HEATR4: variants seen among roughly 807,000 people sequenced by gnomAD.
HEATR4 encodes the protein HEAT repeat-containing protein 4.
HEATR4 carries 95 observed loss-of-function variants against 108.8 expected under a neutral mutation model. The ratio of observed to expected loss-of-function variants is 0.87; its 90% CI spans 0.74 to 1.04. HEATR4 has a LOEUF of 1.04. Among genes scored for constraint, HEATR4 ranks in the 50% least tolerant of loss-of-function variants. HEATR4 has a pLI of 0.00. For missense variants in HEATR4, 1,152 were observed against 1,253.8 expected (o/e 0.92, Z 1.23); for synonymous variants, 443 against 459.4 (o/e 0.96, Z 0.46).
intron 1 of HEATR4, chr14:73,530,730 T>C (rs1294796904): frequency 8.4e-6 from 1 of 119,632 alleles, no homozygotes; most frequent in Non-Finnish European, 1.8e-5. Flanking sequence ...CTTGACCTCC[T>C]GGGCTCAAGC....
At position 73,523,196 on chromosome 14, in the gene HEATR4, A is replaced by G; in HGVS notation, c.-44T>C. On this transcript the variant is annotated 5_prime_UTR_variant, in exon 3 of 18. Coordinates refer to ENST00000553558, the MANE Select transcript of HEATR4 (RefSeq NM_001220484.1). ...CTTCCTTCCACACTGCCTGGCCTAG[A>G]GGAAAGGCCTGGAGATGAGACCTGG... 1.3e-6 allele frequency: 2 copies of G among 1,513,556 alleles called. No homozygotes were observed. The highest frequency in any genetic ancestry group is 1.8e-6 in the Non-Finnish European group (2 of 1,135,038). The allele number at this position is 1,513,556 out of a possible 1,614,324, so 93.8% of individuals were successfully genotyped here. A position where few individuals can be genotyped will look rare whatever the true frequency, so the allele number is the denominator to read the frequency against.
Position 73,522,300 on chromosome 14 carries a change from G to C in HEATR4, c.853C>G (p.Pro285Ala). 1 of 1,614,166 alleles carries C rather than the reference G, an allele frequency of 6.2e-7. No homozygotes were observed. Among genetic ancestry groups the C allele is most frequent in the Non-Finnish European group, 8.5e-7 (1 of 1,180,024 alleles). The change falls in exon 3 of 18, where the codon CCA becomes GCA. Residue 285 changes from proline (P) to alanine (A), a missense_variant. By Grantham distance (27) the Pro-to-Ala change is conservative. Transcript: ENST00000553558. The part of the protein sequence containing the change: ...VILPPQEKKK[P>A]ELLLPVYYRL... ...TAGTAAACGGGAAGCAGCAGTTCTGGCTTCTTCTTTTCCTGTGGGGGCAGG... is the reference window on the plus strand; with the variant it reads ...TAGTAAACGGGAAGCAGCAGTTCTGCCTTCTTCTTTTCCTGTGGGGGCAGG...
intron 4 of HEATR4, among the ~76,000 whole-genome samples, chr14:73,519,529 T>A (rs1887842274): frequency 6.6e-6 from 1 of 151,152 alleles, no homozygotes; most frequent in Non-Finnish European, 1.5e-5. Flanking sequence ...GTGGATCACA[T>A]CATCAGGAGT....
chr14:73,568,580 A>G, the HEATR4 span, among the ~76,000 whole-genome samples: 2 of 151,902 alleles, frequency 1.3e-5, no homozygotes, highest in Non-Finnish European at 2.9e-5. Flanking sequence ...AAAAAAAGTA[A>G]CCCTTGCCTG....
At chr14:73,631,283 A>T in the HEATR4 span, among the ~76,000 whole-genome samples, 1 of 150,880 alleles carries the variant, frequency 6.6e-6, no homozygotes, top group East Asian at 1.9e-4. Context: ...GTAGAAAACA[A>T]TTTTTTTTTT....
the HEATR4 span, among the ~76,000 whole-genome samples, chr14:73,602,543 A>G: frequency 3.3e-5 from 5 of 152,288 alleles, no homozygotes; most frequent in South Asian, 6.2e-4. Context: ...TGTAAAGCTC[A>G]GGGCCCTTGT....
chr14:73,605,556 CTTTTTTTTTTTTTTTTTTTTTTT>C, the HEATR4 span, among the ~76,000 whole-genome samples: 1,412 of 57,016 alleles, frequency 0.025, 41 homozygotes, highest in African/African-American at 0.067. Flanking sequence ...CTGTAAGATT[CTTTTTTTTTTTTTTTTTTTTTTT>C]TTTTTTTTTG....
chr14:73,487,896 G>A (rs1360374771), intron 17 of HEATR4, among the ~76,000 whole-genome samples: 3 of 152,156 alleles, frequency 2.0e-5, no homozygotes, highest in Non-Finnish European at 4.4e-5. Context: ...AACATATAAA[G>A]GATGATATAG....
chr14:73,499,103 G>C lies in HEATR4; in HGVS notation c.2324C>G (p.Pro775Arg). The change falls in exon 13 of 18, where the codon CCT becomes CGT. Residue 775 changes from proline to arginine, a missense_variant. Physicochemically the swap from Pro to Arg is moderately radical, Grantham distance 103 (BLOSUM62 -2). Coordinates refer to ENST00000553558, the MANE Select transcript of HEATR4 (RefSeq NM_001220484.1). ...ECLLNLMQRD[P>R]YWKIKAFAIR... is the part of the protein sequence containing the mutation. ...GGCAAAGGCCTTGATTTTCCAGTAAGGATCTCTCTGCATCAGGTTCAGGAG... is the reference window on the plus strand; with the variant it reads ...GGCAAAGGCCTTGATTTTCCAGTAACGATCTCTCTGCATCAGGTTCAGGAG... 6.2e-7 allele frequency: 1 copy of C among 1,614,180 alleles called. No homozygotes were observed. Among genetic ancestry groups the C allele is most frequent in the Non-Finnish European group, 8.5e-7 (1 of 1,180,020 alleles).
At chr14:73,558,415 G>A (rs1889439681) in intron 1 of HEATR4, among the ~76,000 whole-genome samples, 1 of 134,274 alleles carries the variant, frequency 7.4e-6, no homozygotes, top group South Asian at 2.7e-4. Flanking sequence ...GGAGTACAGT[G>A]GCGTGATCAT....
the HEATR4 span, among the ~76,000 whole-genome samples, chr14:73,599,403 G>T: frequency 6.6e-6 from 1 of 152,218 alleles, no homozygotes; most frequent in Non-Finnish European, 1.5e-5. Flanking sequence ...TTTTTCTCAA[G>T]AGTCTGCAAA....
At chr14:73,499,253 G>T in intron 12 of HEATR4, 113 bp from the exon 13 acceptor site, 2 of 871,976 alleles carry the variant, frequency 2.3e-6, no homozygotes, top group Non-Finnish European at 3.9e-6. Flanking sequence ...TGCCAAGGTG[G>T]GCGGATCACT....
rs1254377711 is a variant in HEATR4, at chr14:73,552,046, C to T, written c.-152+6705G>A. ...GATCACAGTTAAACAGGGCTCTTGA[C>T]CTTCAGGTGCCCGGTCAGGTCTCTT... On this transcript the variant is annotated intron_variant, in intron 1 of 17. Coordinates refer to ENST00000553558, the MANE Select transcript of HEATR4 (RefSeq NM_001220484.1). Among the ~76,000 whole-genome samples the T allele has an allele frequency of 3.5e-5, 4 of 114,248 alleles. 1 individual carries two copies. The highest frequency in any genetic ancestry group is 7.6e-5 in the Non-Finnish European group (4 of 52,294). 75.0% of individuals were successfully genotyped at this position (114,248 alleles called of 152,430 possible).
chr14:73,502,046 A>ATT (rs777992104), intron 11 of HEATR4, among the ~76,000 whole-genome samples: 10 of 133,932 alleles, frequency 7.5e-5, no homozygotes, highest in South Asian at 2.4e-4. Flanking sequence ...CGCCCGGCCA[A>ATT]TTTTTTTTTT....
At chr14:73,543,954 A>C (rs1889187972) in intron 1 of HEATR4, among the ~76,000 whole-genome samples, 1 of 105,458 alleles carries the variant, frequency 9.5e-6, no homozygotes. Context: ...AACATCAATT[A>C]ACAGTGTCTG....
At position 73,552,948 on chromosome 14, in the gene HEATR4, A is replaced by G. The variant is rs1211836991; in HGVS notation, c.-152+5803T>C. Among the ~76,000 whole-genome samples the G allele has an allele frequency of 1.8e-5, 2 of 112,930 alleles. 1 individual carries two copies. Among genetic ancestry groups the G allele is most frequent in the Non-Finnish European group, 3.9e-5 (2 of 51,568 alleles). 74.1% of individuals were successfully genotyped at this position (112,930 alleles called of 152,430 possible). The stretch of plus-strand genomic sequence containing the variant: ...CTCCCTTCCATCCCCCATGGGTCCT[A>G]TCCAGGGTTTCCCCGACCCAAGCAC... On this transcript the variant is annotated intron_variant, in intron 1 of 17. Coordinates refer to ENST00000553558, the MANE Select transcript of HEATR4 (RefSeq NM_001220484.1).
chr14:73,586,703 A>AG, the HEATR4 span, among the ~76,000 whole-genome samples: 1 of 88,184 alleles, frequency 1.1e-5, no homozygotes, highest in African/African-American at 1.4e-4. Context: ...ACTCTGTCTG[A>AG]AAAAAAAAAA....
At position 73,495,266 on chromosome 14, in the gene HEATR4, G is replaced by A; in HGVS notation, c.2747C>T (p.Pro916Leu). The A allele has an allele frequency of 6.2e-7, 1 of 1,613,954 alleles. No individual in the cohort carries two copies. Among genetic ancestry groups the A allele is most frequent in the African/African-American group, 1.3e-5 (1 of 74,988 alleles). ...VYLKPKGEQG[P>L]LTLQTLLQET... The stretch of plus-strand genomic sequence containing the variant: ...TTGGAGTAAAGTCTGGAGTGTTAGT[G>A]GTCCTTGTTCTCCTTTGGGTTTCAA... Residue 916 changes from proline (P) to leucine (L), a missense_variant, in exon 16 of 18, where the codon CCA becomes CTA. Pro to Leu is a moderately conservative substitution (Grantham distance 98, BLOSUM62 -3). Transcript: ENST00000553558.
chr14:73,563,962 T>C, the HEATR4 span, among the ~76,000 whole-genome samples: 1 of 151,274 alleles, frequency 6.6e-6, no homozygotes, highest in African/African-American at 2.4e-5. Context: ...CATGGTGCCA[T>C]TGCACTCCAA....
Sources: gnomAD v4.1 joint callset for allele counts (sites outside exome capture counted in the v4.1 genomes callset) on GRCh38, gnomAD v4.1.1 for gene constraint, MANE v1.5 for transcripts, NCBI Gene and HGNC (gene_info 2026-07-23, HGNC 2026-07-21) for gene names.